NELL2: variants seen among roughly 807,000 people sequenced by gnomAD.
NELL2 encodes neural EGFL like 2.
NELL2 carries 41 observed loss-of-function variants against 109.6 expected under a neutral mutation model. The observed-to-expected ratio is 0.37, with a 90% confidence interval of 0.29 to 0.49. NELL2 has a LOEUF of 0.49. NELL2 is among the 20% of genes least tolerant of loss of function. The pLI, the probability that NELL2 is intolerant of heterozygous loss-of-function variation, is 0.98. For synonymous variants in NELL2, 355 were observed against 344.7 expected, an observed-to-expected ratio of 1.03 and a Z score of -0.33; for missense variants, 900 against 1,008.3, an observed-to-expected ratio of 0.89 and a Z score of 1.45.
intron 13 of NELL2, among the ~76,000 whole-genome samples, chr12:44,656,160 A>G (rs1947492036): frequency 6.6e-6 from 1 of 152,172 alleles, no homozygotes; most frequent in Non-Finnish European, 1.5e-5. Context: ...TAGAGGTGCT[A>G]TTCTTTACCC....
At chr12:44,611,858 C>T (rs192075978) in intron 13 of NELL2, among the ~76,000 whole-genome samples, 105 of 152,136 alleles carry the variant, frequency 6.9e-4, no homozygotes, top group Non-Finnish European at 1.3e-3. Context: ...GCAAACAAAT[C>T]TAACATCAAA....
At chr12:44,849,999 G>A (rs1326559769) in intron 2 of NELL2, among the ~76,000 whole-genome samples, 1 of 152,108 alleles carries the variant, frequency 6.6e-6, no homozygotes, top group Non-Finnish European at 1.5e-5. Flanking sequence ...GACTACAAAG[G>A]GGCACATGGA....
Position 44,776,017 on chromosome 12 carries a change from C to T in NELL2, c.891+5G>A. The T allele has an allele frequency of 6.2e-7, 1 of 1,611,080 alleles. No individual in the cohort carries two copies. Among genetic ancestry groups the T allele is most frequent in the Non-Finnish European group, 8.5e-7 (1 of 1,178,992 alleles). ...CCTTAGTCTCAACTCAAATAGAAGC[C>T]ATACCAGGCATGTGCAGTTCTTACA... On this transcript the variant is annotated splice_donor_5th_base_variant and intron_variant, in intron 8 of 19. Coordinates refer to ENST00000429094, the MANE Select transcript of NELL2 (RefSeq NM_001145108.2).
chr12:44,515,956 TTAAA>T (rs1324731736), intron 19 of NELL2, among the ~76,000 whole-genome samples: 5 of 151,922 alleles, frequency 3.3e-5, no homozygotes, highest in East Asian at 3.8e-4. Flanking sequence ...ATTTTTGTAG[TTAAA>T]TAAAGTGAAT....
At chr12:44,549,673 T>G (rs1438805548) in intron 15 of NELL2, among the ~76,000 whole-genome samples, 1 of 152,036 alleles carries the variant, frequency 6.6e-6, no homozygotes, top group Non-Finnish European at 1.5e-5. Flanking sequence ...TACAATAGCA[T>G]CAAAAAGAAT....
Position 44,774,826 on chromosome 12 carries a change from A to G in NELL2, c.915T>C (p.Thr305=). The G allele has an allele frequency of 6.2e-7, 1 of 1,613,886 alleles. No homozygotes were observed. Among genetic ancestry groups the G allele is most frequent in the South Asian group, 1.1e-5 (1 of 91,086 alleles). Residue 305 remains threonine, a synonymous_variant, in exon 9 of 20, where the codon ACT becomes ACC. Transcript: ENST00000429094. ...GGCAGTCAGGATTTGGGCAGATTAG[A>G]GTTTCACACTGGATGGTTCCATTCT... ...TCLNGTIQCE[T]LICPNPDCPL...
intron 13 of NELL2, among the ~76,000 whole-genome samples, chr12:44,660,293 G>C (rs1947692111): frequency 6.6e-6 from 1 of 152,112 alleles, no homozygotes; most frequent in African/African-American, 2.4e-5. Context: ...TGACATTTTG[G>C]GCCATGTAAA....
chr12:44,693,749 C>CAT (rs1948973222), intron 12 of NELL2, among the ~76,000 whole-genome samples: 1 of 152,124 alleles, frequency 6.6e-6, no homozygotes, highest in Non-Finnish European at 1.5e-5. Flanking sequence ...AATGCAAGTT[C>CAT]AAATTTAGCT....
At chr12:44,562,047 CA>C in intron 15 of NELL2, among the ~76,000 whole-genome samples, 1 of 152,210 alleles carries the variant, frequency 6.6e-6, no homozygotes, top group South Asian at 2.1e-4. Context: ...ACAAACTTGA[CA>C]AAAACAAGCA....
At chr12:44,847,218 G>A (rs954495594) in intron 2 of NELL2, among the ~76,000 whole-genome samples, 1 of 152,158 alleles carries the variant, frequency 6.6e-6, no homozygotes, top group Non-Finnish European at 1.5e-5. Context: ...AGTGAAGTAA[G>A]GAAGCAAACA....
At chr12:44,698,718 C>T (rs1193243586) in intron 12 of NELL2, among the ~76,000 whole-genome samples, 1 of 152,162 alleles carries the variant, frequency 6.6e-6, no homozygotes, top group Non-Finnish European at 1.5e-5. Context: ...GTCTCACAAA[C>T]TTACTTTAAA....
At chr12:44,625,872 C>A (rs1166099019) in intron 13 of NELL2, among the ~76,000 whole-genome samples, 2 of 151,816 alleles carry the variant, frequency 1.3e-5, no homozygotes, top group Admixed American at 1.3e-4. Context: ...CACTGAAGCT[C>A]GCCAGCACAC....
At chr12:44,806,460 AT>A (rs1277530811) in intron 3 of NELL2, among the ~76,000 whole-genome samples, 4 of 151,904 alleles carry the variant, frequency 2.6e-5, no homozygotes, top group East Asian at 1.9e-4. Context: ...ACACATACAT[AT>A]TTCATAAATA....
chr12:44,648,916 G>GTA (rs1353719510), intron 13 of NELL2, among the ~76,000 whole-genome samples: 1 of 146,604 alleles, frequency 6.8e-6, no homozygotes, highest in East Asian at 2.0e-4. Flanking sequence ...GTGTGTGTGT[G>GTA]TGTGTGTGTG....
At chr12:44,653,169 C>T (rs920597873) in intron 13 of NELL2, among the ~76,000 whole-genome samples, 1 of 152,128 alleles carries the variant, frequency 6.6e-6, no homozygotes, top group Non-Finnish European at 1.5e-5. Context: ...ACAATAATAA[C>T]AAGTATTATG....
chr12:44,791,595 T>G (rs939128381), intron 3 of NELL2, among the ~76,000 whole-genome samples: 4 of 151,314 alleles, frequency 2.6e-5, no homozygotes, highest in African/African-American at 9.7e-5. Context: ...ATTTGGAAAA[T>G]AGAGCTGATA....
intron 15 of NELL2, among the ~76,000 whole-genome samples, chr12:44,597,346 A>C (rs900105753): frequency 1.3e-5 from 2 of 152,192 alleles, no homozygotes; most frequent in African/African-American, 4.8e-5. Flanking sequence ...TCTCCTGGAA[A>C]ACTTTTCCTC....
chr12:44,512,487 A>G (rs1941043224), intron 19 of NELL2, among the ~76,000 whole-genome samples: 1 of 148,666 alleles, frequency 6.7e-6, no homozygotes, highest in Non-Finnish European at 1.5e-5. Context: ...TTTTTACTGA[A>G]AGGAAAAAAA....
At chr12:44,898,111 G>T (rs913112968) in intron 1 of NELL2, among the ~76,000 whole-genome samples, 1 of 152,176 alleles carries the variant, frequency 6.6e-6, no homozygotes, top group Non-Finnish European at 1.5e-5. Context: ...GCTCTAGTCA[G>T]GGGCTTATAG....
Sources: gnomAD v4.1 joint callset for allele counts (sites outside exome capture counted in the v4.1 genomes callset) on GRCh38, gnomAD v4.1.1 for gene constraint, MANE v1.5 for transcripts, NCBI Gene and HGNC (gene_info 2026-07-23, HGNC 2026-07-21) for gene names.